AP2A1: variants seen among roughly 807,000 people sequenced by gnomAD.
AP2A1 encodes adaptor related protein complex 2 subunit alpha 1.
A neutral mutation model predicts 107.3 loss-of-function variants in AP2A1; 21 were observed. That is an observed-to-expected ratio of 0.20 (90% CI 0.14 to 0.28). AP2A1 has a LOEUF of 0.28. Ranked by LOEUF, AP2A1 falls within the 10% of genes least tolerant of loss-of-function variation. AP2A1 has a pLI of 1.00. For synonymous variants in AP2A1, 602 were observed against 564.8 expected, an observed-to-expected ratio of 1.07 and a Z score of -0.93; for missense variants, 873 against 1,307.7, an observed-to-expected ratio of 0.67 and a Z score of 5.13.
At position 49,803,000 on chromosome 19, in the gene AP2A1, G is replaced by A. The variant is rs199538739; in HGVS notation, c.2166G>A (p.Leu722=). ...CCATTCCGGAAGCCGATGAGTTGCT[G>A]AATAAGTGAGTCCTGGGAGTGGTGG... ...GPPIPEADEL[L]NKFVCKNNGV... Residue 722 remains leucine, a synonymous_variant, in exon 16 of 23, where the codon CTG becomes CTA. Transcript: ENST00000354293. The A allele has an allele frequency of 1.4e-5, 23 of 1,613,734 alleles. No homozygotes were observed. In the African/African-American group the frequency reaches 2.1e-4, roughly 15 times the overall value.
chr19:49,791,949 G>C lies in AP2A1; in HGVS notation c.488G>C (p.Ser163Thr), dbSNP rs780941148. The C allele has an allele frequency of 6.8e-6, 11 of 1,609,900 alleles. No homozygotes were observed. The highest frequency in any genetic ancestry group is 9.3e-6 in the Non-Finnish European group (11 of 1,178,742). Residue 163 changes from serine (S) to threonine (T), a missense_variant, in exon 5 of 23, where the codon AGT becomes ACT. Coordinates refer to ENST00000354293, the MANE Select transcript of AP2A1 (RefSeq NM_130787.3). The part of the protein sequence containing the change: ...RILVAGDSMD[S>T]VKQSAALCLL... ...TGTCCCCACAGGGACAGCATGGACA[G>C]TGTCAAGCAGAGTGCGGCCCTGTGC...
chr19:49,767,794 C>T (rs1359415699), intron 1 of AP2A1, among the ~76,000 whole-genome samples: 3 of 151,402 alleles, frequency 2.0e-5, no homozygotes, highest in East Asian at 1.9e-4. Context: ...GATGATGGGA[C>T]GGGGAGACTA....
chr19:49,788,457 T>G lies in AP2A1; in HGVS notation c.474-3478T>G, dbSNP rs932558792. Among the ~76,000 whole-genome samples the G allele has an allele frequency of 2.0e-5, 3 of 152,172 alleles. No individual in the cohort carries two copies. Among genetic ancestry groups the G allele is most frequent in the Non-Finnish European group, 2.9e-5 (2 of 68,038 alleles). ...GAGCGAGCGAGCTGTGCGGGAACAC[T>G]TAGAGCAGAGTTTGGCCCAGAGTCA... On this transcript the variant is annotated intron_variant, in intron 4 of 22. Coordinates refer to ENST00000354293, the MANE Select transcript of AP2A1 (RefSeq NM_130787.3). This position sits in a 1 kb window ranked among gnomAD's most constrained non-coding sequence, Gnocchi z 4.5.
Position 49,806,101 on chromosome 19 carries a change from C to T in AP2A1, c.2656-18C>T, listed in dbSNP as rs375355129. 1.8e-4 allele frequency: 276 copies of T among 1,567,626 alleles called. No individual in the cohort carries two copies. Among genetic ancestry groups the T allele is most frequent in the Non-Finnish European group, 2.2e-4 (256 of 1,155,556 alleles). On this transcript the variant is annotated intron_variant, in intron 21 of 22. Coordinates refer to ENST00000354293, the MANE Select transcript of AP2A1 (RefSeq NM_130787.3). ...TAACAGCTCTGGCACACTCTGACGG[C>T]GCCCCCCCTCCTCCCAGCTTCTGGG... is the stretch of plus-strand genomic sequence containing the variant.
intron 18 of AP2A1, 97 bp from the exon 19 acceptor site, chr19:49,805,356 C>T (rs1243108212): frequency 2.9e-6 from 4 of 1,364,994 alleles, no homozygotes; most frequent in Middle Eastern, 2.6e-4. Context: ...CCCTCAAAGA[C>T]CTGCAGGCGG....
intron 22 of AP2A1, chr19:49,806,477 C>T (rs2073388024): frequency 6.9e-7 from 1 of 1,443,356 alleles, no homozygotes. Context: ...TTCTACCTTT[C>T]CATATCCTTT....
chr19:49,780,121 C>T (rs192462438), intron 1 of AP2A1, among the ~76,000 whole-genome samples: 24 of 152,210 alleles, frequency 1.6e-4, no homozygotes, highest in African/African-American at 4.3e-4. Flanking sequence ...TCTGCCCCTT[C>T]CATAACTAGA....
At position 49,767,080 on chromosome 19, in the gene AP2A1, C is replaced by G. The variant is rs984602405; in HGVS notation, c.-54C>G. 44 of 1,570,560 alleles carry G rather than the reference C, an allele frequency of 2.8e-5. No individual in the cohort carries two copies. The highest frequency in any genetic ancestry group is 3.7e-5 in the Non-Finnish European group (43 of 1,160,840). ...TTCCGCCCGGTCCCCGCTTGCCAGC[C>G]CCCGCTGCTCTGTGCCCTGTCCGGC... On this transcript the variant is annotated 5_prime_UTR_variant, in exon 1 of 23. Coordinates refer to ENST00000354293, the MANE Select transcript of AP2A1 (RefSeq NM_130787.3).
intron 4 of AP2A1, 166 bp from the exon 5 acceptor site, chr19:49,791,769 T>C: frequency 1.3e-6 from 1 of 744,512 alleles, no homozygotes. Context: ...CACTGAGTCC[T>C]GGTGGGCCGT....
At chr19:49,805,806 A>G (rs761717655) in intron 20 of AP2A1, 29 bp downstream of exon 20, 5 of 755,358 alleles carry the variant, frequency 6.6e-6, no homozygotes, top group South Asian at 5.3e-5. Flanking sequence ...GCGGAGCCAA[A>G]GCCGCGCCTC....
intron 4 of AP2A1, among the ~76,000 whole-genome samples, chr19:49,787,356 T>TTTTTTTG (rs2084754051): frequency 7.9e-6 from 1 of 126,622 alleles, no homozygotes; most frequent in Non-Finnish European, 1.6e-5. Flanking sequence ...TGTTTTTTGT[T>TTTTTTTG]TTTTTTTTTT....
At chr19:49,775,672 G>C (rs1206241897) in intron 1 of AP2A1, among the ~76,000 whole-genome samples, 3 of 152,118 alleles carry the variant, frequency 2.0e-5, no homozygotes, top group Non-Finnish European at 4.4e-5. Context: ...CAAAGTGCTG[G>C]GATTAGAGGC....
At chr19:49,801,361 G>A (rs911101794) in intron 12 of AP2A1, 29 bp from the exon 13 acceptor site, 21 of 1,594,106 alleles carry the variant, frequency 1.3e-5, no homozygotes, top group Non-Finnish European at 1.7e-5. Flanking sequence ...GTGGAACCTG[G>A]CCCCGCTGAC....
intron 4 of AP2A1, among the ~76,000 whole-genome samples, chr19:49,783,339 A>G (rs1351403426): frequency 5.9e-5 from 9 of 152,066 alleles, no homozygotes; most frequent in Non-Finnish European, 1.3e-4. Flanking sequence ...AAAATACCAA[A>G]AATTGCCAGG....
In AP2A1 at chr19:49,800,033, C is replaced by T. The variant is rs752485707; in HGVS notation, c.1338C>T (p.Ile446=). Residue 446 remains isoleucine, a synonymous_variant, in exon 11 of 23, where the codon ATC becomes ATT. Transcript: ENST00000354293. ...ACTACAGCTGGTACGTGGACACCAT[C>T]CTCAACCTCATCCGCATTGCGGGCG... The part of the protein sequence containing the change: ...AVDYSWYVDT[I]LNLIRIAGDY... The T allele has an allele frequency of 6.2e-6, 10 of 1,613,932 alleles. No individual in the cohort carries two copies. The South Asian group carries it at 9.9e-5, about 16-fold the overall frequency.
intron 1 of AP2A1, 120 bp downstream of exon 1, chr19:49,767,320 C>A: frequency 1.6e-6 from 2 of 1,229,576 alleles, no homozygotes; most frequent in Non-Finnish European, 2.3e-6. Flanking sequence ...ATAGGGACAG[C>A]ATAGATGGGC....
In AP2A1 at chr19:49,785,134, G is replaced by A. The variant is rs1302261926; in HGVS notation, c.473+2410G>A. The stretch of plus-strand genomic sequence containing the variant: ...AGAGATCGTGACATAGGCAGTGTTC[G>A]AAGAGAGATAATGGTTGAAAATATT... On this transcript the variant is annotated intron_variant, in intron 4 of 22. Coordinates refer to ENST00000354293, the MANE Select transcript of AP2A1 (RefSeq NM_130787.3). The surrounding 1 kb of genome is among the most constrained non-coding windows in gnomAD (Gnocchi z 4.1). Among the ~76,000 whole-genome samples, 1 of 152,182 alleles carries A rather than the reference G, an allele frequency of 6.6e-6. No homozygotes were observed. Among genetic ancestry groups the A allele is most frequent in the Non-Finnish European group, 1.5e-5 (1 of 68,034 alleles).
Position 49,800,936 on chromosome 19 carries a change from C to G in AP2A1, c.1456-25C>G. 3.8e-6 allele frequency: 6 copies of G among 1,567,902 alleles called. No homozygotes were observed. The South Asian group carries it at 7.0e-5, about 18-fold the overall frequency. ...GAGAGGGCGCTCATTGTTGTCCTCT[C>G]CACGCCCTTCCCCACCCCACTCAGG... On this transcript the variant is annotated intron_variant, in intron 11 of 22. Coordinates refer to ENST00000354293, the MANE Select transcript of AP2A1 (RefSeq NM_130787.3).
chr19:49,800,929 G>A, intron 11 of AP2A1, 32 bp from the exon 12 acceptor site: 1 of 1,551,852 alleles, frequency 6.4e-7, no homozygotes, highest in Non-Finnish European at 8.7e-7. Context: ...GCTCATTGTT[G>A]TCCTCTCCAC....
Sources: allele counts gnomAD v4.1 joint callset (sites outside exome capture counted in the v4.1 genomes callset), GRCh38; gene constraint gnomAD v4.1.1; non-coding constraint Gnocchi (gnomAD v3.1); transcripts MANE v1.5; gene names NCBI Gene and HGNC (gene_info 2026-07-23, HGNC 2026-07-21).